Variants in PTPN4 observed in about 807,000 individuals in gnomAD.
PTPN4 encodes the protein protein tyrosine phosphatase non-receptor type 4.
Under a neutral mutation model 135.5 loss-of-function variants are expected in PTPN4, and 49 were observed. The observed-to-expected ratio is 0.36, with a 90% CI of 0.29 to 0.46. The LOEUF is 0.46. Among genes scored for constraint, PTPN4 ranks in the 20% least tolerant of loss-of-function variants. PTPN4 has a pLI of 1.00. For synonymous variants in PTPN4, 333 were observed against 369.9 expected, an observed-to-expected ratio of 0.90 and a Z score of 1.14; for missense variants, 860 against 1,101.0, an observed-to-expected ratio of 0.78 and a Z score of 3.10.
chr2:119,944,932 T>G, intron 15 of PTPN4, 149 bp from the exon 16 acceptor site: 1 of 545,650 alleles, frequency 1.8e-6, no homozygotes, highest in Non-Finnish European at 3.0e-6. Flanking sequence ...TACTTCAAAG[T>G]TAGGAAAATT....
At chr2:119,958,890 A>T (rs2105057367) in intron 22 of PTPN4, among the ~76,000 whole-genome samples, 1 of 152,340 alleles carries the variant, frequency 6.6e-6, no homozygotes, top group South Asian at 2.1e-4. Context: ...GCACTTAGAA[A>T]CACTAGTCAG....
At chr2:119,875,092 C>G (rs1677965974) in intron 3 of PTPN4, among the ~76,000 whole-genome samples, 1 of 152,072 alleles carries the variant, frequency 6.6e-6, no homozygotes, top group Non-Finnish European at 1.5e-5. Context: ...TATTCATTGC[C>G]TGTTTTTCTA....
At chr2:119,841,626 T>G (rs1677382923) in intron 2 of PTPN4, among the ~76,000 whole-genome samples, 1 of 152,204 alleles carries the variant, frequency 6.6e-6, no homozygotes, top group South Asian at 2.1e-4. Context: ...ACATTTTTAA[T>G]TATCTTAGTC....
intron 1 of PTPN4, among the ~76,000 whole-genome samples, chr2:119,774,878 G>T: frequency 6.6e-6 from 1 of 151,846 alleles, no homozygotes; most frequent in African/African-American, 2.4e-5. Flanking sequence ...CAAAAATTAG[G>T]CATGGTGGCA....
chr2:119,790,709 C>G (rs906182890), intron 1 of PTPN4, among the ~76,000 whole-genome samples: 1 of 152,086 alleles, frequency 6.6e-6, no homozygotes, highest in Non-Finnish European at 1.5e-5. Context: ...AAACCAGCAC[C>G]ATTTTGCAAA....
At chr2:119,933,008 A>T (rs1228711768) in intron 14 of PTPN4, among the ~76,000 whole-genome samples, 1 of 152,160 alleles carries the variant, frequency 6.6e-6, no homozygotes, top group African/African-American at 2.4e-5. Flanking sequence ...GCCTAGGAAA[A>T]GGGGTTTCCA....
At chr2:119,777,790 G>A (rs2104925810) in intron 1 of PTPN4, among the ~76,000 whole-genome samples, 1 of 152,164 alleles carries the variant, frequency 6.6e-6, no homozygotes, top group East Asian at 1.9e-4. Context: ...TAGTAGCTGG[G>A]ACCATAGGTG....
chr2:119,933,124 GT>G (rs1678930544), intron 14 of PTPN4, among the ~76,000 whole-genome samples: 1 of 152,088 alleles, frequency 6.6e-6, no homozygotes, highest in Non-Finnish European at 1.5e-5. Context: ...AAAGTTGTAT[GT>G]TTTGGTATAA....
intron 26 of PTPN4, 77 bp downstream of exon 26, chr2:119,968,049 A>AT: frequency 8.6e-7 from 1 of 1,164,340 alleles, no homozygotes; most frequent in Non-Finnish European, 1.2e-6. Flanking sequence ...TCTAAATCAT[A>AT]TTTTTATCCT....
chr2:119,868,937 G>C (rs1032819161), intron 3 of PTPN4, among the ~76,000 whole-genome samples: 1 of 152,052 alleles, frequency 6.6e-6, no homozygotes, highest in Non-Finnish European at 1.5e-5. Context: ...CACTGGGTTA[G>C]GGTCTCCCCG....
intron 1 of PTPN4, among the ~76,000 whole-genome samples, chr2:119,777,149 C>T (rs937838772): frequency 1.3e-5 from 2 of 152,228 alleles, no homozygotes; most frequent in African/African-American, 4.8e-5. Context: ...ACACTGGCCT[C>T]CTTTTTGTTC....
chr2:119,914,248 A>ATTTTTTTTTTTTTTTT lies in PTPN4; in HGVS notation c.765-918_765-903dup, dbSNP rs55911315. 1.5e-4 allele frequency among the ~76,000 whole-genome samples: 15 copies of ATTTTTTTTTTTTTTTT among 97,428 alleles called. 2 individuals carry two copies. The highest frequency in any genetic ancestry group is 7.6e-4 in the African/African-American group (13 of 17,068). The allele number at this position is 97,428 out of a possible 152,430, so 63.9% of individuals were successfully genotyped here. On this transcript the variant is annotated intron_variant, in intron 10 of 26. Coordinates refer to ENST00000263708, the MANE Select transcript of PTPN4 (RefSeq NM_002830.4). ...CATAAATACAGTCAATAGTTACTCAATTTTTTTTTTTTTTTTTTTTTTTTT... is the reference window on the plus strand; with the variant it reads ...CATAAATACAGTCAATAGTTACTCAATTTTTTTTTTTTTTTTTTTTTTTTTTTTTTTTTTTTTTTTT...
intron 12 of PTPN4, 86 bp downstream of exon 12, chr2:119,920,327 A>G: frequency 7.2e-7 from 1 of 1,394,768 alleles, no homozygotes; most frequent in Non-Finnish European, 9.7e-7. Flanking sequence ...GAACCATACA[A>G]CCTTTGTTAC....
chr2:119,960,712 G>T, intron 22 of PTPN4, 95 bp from the exon 23 acceptor site: 7 of 1,198,606 alleles, frequency 5.8e-6, no homozygotes, highest in Non-Finnish European at 8.0e-6. Flanking sequence ...GAGGTTAGTT[G>T]TATTCACTAT....
chr2:119,934,313 C>T (rs1292370738), intron 14 of PTPN4, among the ~76,000 whole-genome samples: 1 of 152,016 alleles, frequency 6.6e-6, no homozygotes, highest in Non-Finnish European at 1.5e-5. Context: ...TACATAAATA[C>T]TGAAATATTG....
At chr2:119,855,285 G>A (rs949639771) in intron 2 of PTPN4, among the ~76,000 whole-genome samples, 2 of 152,006 alleles carry the variant, frequency 1.3e-5, no homozygotes, top group African/African-American at 4.8e-5. Flanking sequence ...CCCTAAGTTA[G>A]GGATGTCCCC....
rs751588929 is a variant in PTPN4 at position 119,955,361 on chromosome 2, A to G, written c.1980+38A>G. ...ATTATATATTAAAAGCATTTTGCTGATATTTGCTAACTAGTTTCATAGTTT... is the reference window on the plus strand; with the variant it reads ...ATTATATATTAAAAGCATTTTGCTGGTATTTGCTAACTAGTTTCATAGTTT... On this transcript the variant is annotated intron_variant, in intron 20 of 26. Transcript: ENST00000263708. 1.3e-5 allele frequency: 19 copies of G among 1,465,320 alleles called. No individual in the cohort carries two copies. In the African/African-American group the frequency reaches 2.4e-4, roughly 19 times the overall value. 90.8% of individuals were successfully genotyped at this position (1,465,320 alleles called of 1,614,324 possible). A position where few individuals can be genotyped will look rare whatever the true frequency, so the allele number is the denominator to read the frequency against.
chr2:119,901,535 A>C (rs576677242), intron 10 of PTPN4, among the ~76,000 whole-genome samples: 1 of 152,328 alleles, frequency 6.6e-6, no homozygotes, highest in East Asian at 1.9e-4. Flanking sequence ...AGGCATATTT[A>C]TTTCTTTCTT....
At chr2:119,934,061 G>A (rs1030824945) in intron 14 of PTPN4, among the ~76,000 whole-genome samples, 2 of 152,102 alleles carry the variant, frequency 1.3e-5, no homozygotes, top group Admixed American at 1.3e-4. Flanking sequence ...CAGTAGCTCT[G>A]TTTAAGTTTT....
Sources: allele counts gnomAD v4.1 joint callset (sites outside exome capture counted in the v4.1 genomes callset), GRCh38; gene constraint gnomAD v4.1.1; transcripts MANE v1.5; gene names NCBI Gene and HGNC (gene_info 2026-07-23, HGNC 2026-07-21).